The following SIPA1L3 variants were observed in gnomAD, a reference collection of about 807,000 sequenced individuals.
The protein encoded by SIPA1L3 is signal induced proliferation associated 1 like 3, also known as signal-induced proliferation-associated 1-like protein 3.
A neutral mutation model predicts 150.1 loss-of-function variants in SIPA1L3; 59 were observed. That is an observed-to-expected ratio of 0.39 (90% CI 0.32 to 0.49). The LOEUF is 0.49. SIPA1L3 is among the 20% of genes least tolerant of loss of function. The pLI, the probability that SIPA1L3 is intolerant of heterozygous loss-of-function variation, is 0.86. For synonymous variants in SIPA1L3, 1,070 were observed against 1,077.6 expected (o/e 0.99, Z 0.14); for missense variants, 2,211 against 2,489.5 (o/e 0.89, Z 2.38).
chr19:38,153,108 C>A, intron 13 of SIPA1L3, 141 bp downstream of exon 13: 1 of 1,096,306 alleles, frequency 9.1e-7, no homozygotes, highest in South Asian at 1.8e-5. Context: ...ACATGTAAGA[C>A]TAGAGAGGGC....
intron 1 of SIPA1L3, among the ~76,000 whole-genome samples, chr19:38,026,179 T>G (rs1968506133): frequency 6.6e-6 from 1 of 152,224 alleles, no homozygotes; most frequent in Non-Finnish European, 1.5e-5. Context: ...AGGACATGTT[T>G]CCTTTTACCT....
intron 6 of SIPA1L3, among the ~76,000 whole-genome samples, chr19:38,104,352 A>G (rs1352824704): frequency 6.6e-6 from 1 of 152,170 alleles, no homozygotes; most frequent in Non-Finnish European, 1.5e-5. Flanking sequence ...CAGTTTCCTC[A>G]TCTGTAGAGT....
intron 10 of SIPA1L3, among the ~76,000 whole-genome samples, chr19:38,138,224 A>G (rs1462846667): frequency 2.0e-5 from 3 of 152,150 alleles, no homozygotes; most frequent in Admixed American, 6.6e-5. Context: ...CGGTGGGGCC[A>G]TTGTCCATGG....
At position 37,962,487 on chromosome 19, in the gene SIPA1L3, G is replaced by A. The variant is rs533251419; in HGVS notation, c.-379+55129G>A. On this transcript the variant is annotated intron_variant, in intron 1 of 21. Coordinates refer to ENST00000222345, the MANE Select transcript of SIPA1L3 (RefSeq NM_015073.3). ...CCTTTTTTTTTTTTTTTTTTTTTTT[G>A]AGATAGGGTTCCACTCTGTTGCCCA... Among the ~76,000 whole-genome samples the A allele has an allele frequency of 1.1e-4, 3 of 28,280 alleles. No individual in the cohort carries two copies. The East Asian group carries it at 0.012, about 110-fold the overall frequency. The allele number at this position is 28,280 out of a possible 152,430, so 18.6% of individuals were successfully genotyped here.
intron 1 of SIPA1L3, among the ~76,000 whole-genome samples, chr19:37,999,564 G>A (rs999142914): frequency 7.2e-5 from 11 of 152,138 alleles, no homozygotes; most frequent in African/African-American, 1.2e-4. Context: ...TTAGGGAGGG[G>A]CTTCCGCAGT....
chr19:38,205,268 T>C (rs940770903), intron 21 of SIPA1L3, among the ~76,000 whole-genome samples: 2 of 143,558 alleles, frequency 1.4e-5, no homozygotes, highest in East Asian at 4.2e-4. Flanking sequence ...AAGACCAGCC[T>C]GGCCAATATG....
chr19:38,134,000 T>TA (rs1293549023), intron 10 of SIPA1L3, among the ~76,000 whole-genome samples: 1 of 151,858 alleles, frequency 6.6e-6, no homozygotes, highest in Non-Finnish European at 1.5e-5. Flanking sequence ...TTTTTTTTTT[T>TA]GAGACTGAGT....
At chr19:38,092,162 G>A (rs1281109451) in intron 4 of SIPA1L3, among the ~76,000 whole-genome samples, 1 of 151,878 alleles carries the variant, frequency 6.6e-6, no homozygotes, top group Non-Finnish European at 1.5e-5. Flanking sequence ...CGGAAGGATT[G>A]CTTGAAGCCT....
At chr19:37,928,369 G>A (rs2046524901) in intron 1 of SIPA1L3, among the ~76,000 whole-genome samples, 1 of 152,094 alleles carries the variant, frequency 6.6e-6, no homozygotes, top group Non-Finnish European at 1.5e-5. Flanking sequence ...CCAGGAGTTC[G>A]AGGCCAGCCT....
chr19:38,189,193 G>A (rs1972753829), intron 16 of SIPA1L3, among the ~76,000 whole-genome samples: 1 of 149,404 alleles, frequency 6.7e-6, no homozygotes, highest in Non-Finnish European at 1.5e-5. Flanking sequence ...GGAGTGCAGT[G>A]GTGCCATCAT....
chr19:38,050,709 A>G (rs778031135), intron 2 of SIPA1L3, among the ~76,000 whole-genome samples: 50 of 152,060 alleles, frequency 3.3e-4, no homozygotes, highest in Non-Finnish European at 5.6e-4. Flanking sequence ...TTTCTTTCAC[A>G]TTTGAGTCGA....
At position 37,960,649 on chromosome 19, in the gene SIPA1L3, C is replaced by T. The variant is rs565005683; in HGVS notation, c.-379+53291C>T. Among the ~76,000 whole-genome samples, 120 of 151,888 alleles carry T rather than the reference C, an allele frequency of 7.9e-4. 4 individuals are homozygous for T. The South Asian group carries it at 0.023, about 29-fold the overall frequency. ...GTCTCGATCTCCTGACCTTGCAATC[C>T]GCCTGCCTTGGCCTCCCAAAGTGCT... is the stretch of plus-strand genomic sequence containing the variant. On this transcript the variant is annotated intron_variant, in intron 1 of 21. Transcript: ENST00000222345.
chr19:38,034,079 CT>C (rs1968722032), intron 2 of SIPA1L3, among the ~76,000 whole-genome samples: 2 of 151,446 alleles, frequency 1.3e-5, no homozygotes, highest in Admixed American at 1.3e-4. Context: ...TTCTCTTGAT[CT>C]TTCCCCTCAT....
chr19:37,978,386 A>G (rs1967124049), intron 1 of SIPA1L3, among the ~76,000 whole-genome samples: 1 of 152,210 alleles, frequency 6.6e-6, no homozygotes, highest in Non-Finnish European at 1.5e-5. Context: ...AATAACAAAG[A>G]TAATAATAGC....
intron 4 of SIPA1L3, among the ~76,000 whole-genome samples, chr19:38,096,924 A>G (rs1282247664): frequency 6.6e-6 from 1 of 152,262 alleles, no homozygotes; most frequent in Non-Finnish European, 1.5e-5. Context: ...CACTATTCAC[A>G]GTTGGCAAAT....
chr19:37,971,997 T>G (rs1966952430), intron 1 of SIPA1L3, among the ~76,000 whole-genome samples: 1 of 152,218 alleles, frequency 6.6e-6, no homozygotes, highest in Non-Finnish European at 1.5e-5. Context: ...GATGGACCTT[T>G]GGGTTGTTTC....
In SIPA1L3 at chr19:38,077,661, C is replaced by CTTTTTTTTTTTTTTTTT. The variant is rs58788182; in HGVS notation, c.-310-3584_-310-3568dup. Among the ~76,000 whole-genome samples the CTTTTTTTTTTTTTTTTT allele has an allele frequency of 6.1e-4, 39 of 64,352 alleles. 3 individuals are homozygous for CTTTTTTTTTTTTTTTTT. Among genetic ancestry groups the CTTTTTTTTTTTTTTTTT allele is most frequent in the African/African-American group, 1.2e-3 (21 of 16,952 alleles). The allele number at this position is 64,352 out of a possible 152,430, so 42.2% of individuals were successfully genotyped here. A position where few individuals can be genotyped will look rare whatever the true frequency, so the allele number is the denominator to read the frequency against. Reference sequence around the variant, plus strand: ...TTTTTTCTTTTTTCTTTTTCTTTTTCTTTTTTTTTTTTTTTTTTTTTTTTT... The same window carrying CTTTTTTTTTTTTTTTTT: ...TTTTTTCTTTTTTCTTTTTCTTTTTCTTTTTTTTTTTTTTTTTTTTTTTTTTTTTTTTTTTTTTTTTT... On this transcript the variant is annotated intron_variant, in intron 2 of 21. Transcript: ENST00000222345.
At chr19:38,069,389 C>T (rs1969664929) in intron 2 of SIPA1L3, among the ~76,000 whole-genome samples, 3 of 152,214 alleles carry the variant, frequency 2.0e-5, no homozygotes, top group African/African-American at 7.2e-5. Flanking sequence ...AGTTGGTCCT[C>T]CCCAACCACA....
chr19:38,023,934 A>T (rs1462042974), intron 1 of SIPA1L3, among the ~76,000 whole-genome samples: 1 of 152,092 alleles, frequency 6.6e-6, no homozygotes, highest in Non-Finnish European at 1.5e-5. Context: ...GCAGGCTAAT[A>T]ATCTGCCCAC....
Sources: allele counts gnomAD v4.1 joint callset (sites outside exome capture counted in the v4.1 genomes callset), GRCh38; gene constraint gnomAD v4.1.1; transcripts MANE v1.5; gene names NCBI Gene and HGNC (gene_info 2026-07-23, HGNC 2026-07-21).